Variants in SEMA3A observed in about 807,000 individuals in gnomAD.
SEMA3A encodes semaphorin 3A.
In SEMA3A, 29 loss-of-function variants were observed where a neutral mutation model predicts 97.9. That is an observed-to-expected ratio of 0.30 (90% CI 0.22 to 0.40). SEMA3A has a LOEUF of 0.40. Ranked by LOEUF, SEMA3A falls within the 10% of genes least tolerant of loss-of-function variation. The probability of loss-of-function intolerance (pLI) is 1.00; values close to 1 mark genes in which losing one functional copy is unlikely to be tolerated. For synonymous variants in SEMA3A, 321 were observed against 323.7 expected (o/e 0.99, Z 0.09); for missense variants, 763 against 951.3 (o/e 0.80, Z 2.60).
intron 3 of SEMA3A, among the ~76,000 whole-genome samples, chr7:84,248,095 C>T (rs1799517058): frequency 2.0e-5 from 3 of 152,132 alleles, no homozygotes; most frequent in Admixed American, 6.6e-5. Flanking sequence ...TTCATACTAT[C>T]TTCCTTTATT....
At chr7:84,198,406 T>G (rs187625054), upstream of SEMA3A, among the ~76,000 whole-genome samples, 1 of 152,162 alleles carries the variant, frequency 6.6e-6, no homozygotes, top group African/African-American at 2.4e-5. Flanking sequence ...TTGGTCAGGC[T>G]GGCCAGGTTG....
At chr7:84,323,198 A>G (rs527908411) in intron 2 of SEMA3A, among the ~76,000 whole-genome samples, 2 of 152,328 alleles carry the variant, frequency 1.3e-5, no homozygotes, top group African/African-American at 2.4e-5. Context: ...CTATCAATAG[A>G]TTGACTTTAA....
Position 84,391,973 on chromosome 7 carries a change from T to A in SEMA3A, c.-245-20073A>T, listed in dbSNP as rs1053498580. Among the ~76,000 whole-genome samples, 22 of 137,162 alleles carry A rather than the reference T, an allele frequency of 1.6e-4. No individual in the cohort carries two copies. In the East Asian group the frequency reaches 2.6e-3, roughly 16 times the overall value. 90.0% of individuals were successfully genotyped at this position (137,162 alleles called of 152,430 possible). A position where few individuals can be genotyped will look rare whatever the true frequency, so the allele number is the denominator to read the frequency against. On this transcript the variant is annotated intron_variant, in intron 1 of 3. Transcript: ENST00000424555. ...AGACCCTGTCTCAAAAAAAAAAAAA[T>A]CTATTGAAAAATTTTAGTTTTATAT...
chr7:84,254,955 C>T (rs1028138850), intron 3 of SEMA3A, among the ~76,000 whole-genome samples: 3 of 152,100 alleles, frequency 2.0e-5, no homozygotes, highest in Non-Finnish European at 4.4e-5. Flanking sequence ...TTGGCATGTA[C>T]TTCATTTAAG....
chr7:84,067,494 A>C lies in SEMA3A; in HGVS notation c.454-6936T>G, dbSNP rs200490412. On this transcript the variant is annotated intron_variant, in intron 4 of 16. Coordinates refer to ENST00000265362, the MANE Select transcript of SEMA3A (RefSeq NM_006080.3). ...ATCAGAGTGAACAGGCAACCTACAA[A>C]ATGGGAGAAAATTTTCGCAACCTAC... Among the ~76,000 whole-genome samples the C allele has an allele frequency of 4.9e-3, 747 of 151,230 alleles. 7 individuals are homozygous for C. Among genetic ancestry groups the C allele is most frequent in the African/African-American group, 0.017 (696 of 41,428 alleles).
chr7:83,983,323 G>A (rs17305389), intron 13 of SEMA3A, among the ~76,000 whole-genome samples: 57,785 of 150,892 alleles, frequency 0.38, 11,533 homozygotes, highest in Middle Eastern at 0.49. Context: ...AGCAATTTCA[G>A]TATATGGATG....
chr7:84,136,469 G>A (rs567683278), intron 1 of SEMA3A, among the ~76,000 whole-genome samples: 10 of 152,248 alleles, frequency 6.6e-5, no homozygotes, highest in African/African-American at 2.4e-4. Flanking sequence ...CTATCATGCG[G>A]GAAACCATGC....
intron 4 of SEMA3A, among the ~76,000 whole-genome samples, chr7:84,062,476 G>C (rs2527042): frequency 0.2 from 29,693 of 152,228 alleles, 2,922 homozygotes; most frequent in South Asian, 0.26. Flanking sequence ...CGACGCAGAA[G>C]ATGGTGATTT....
At position 84,154,368 on chromosome 7, in the gene SEMA3A, G is replaced by A. The variant is rs187499312; in HGVS notation, c.113-19417C>T. Among the ~76,000 whole-genome samples, 15 of 152,130 alleles carry A rather than the reference G, an allele frequency of 9.9e-5. No individual in the cohort carries two copies. The East Asian group carries it at 2.9e-3, about 29-fold the overall frequency. ...ATACAGATAAGTTTCTTTCTTTAAG[G>A]TAAATAGAACATAAAGACAGGTGAT... On this transcript the variant is annotated intron_variant, in intron 1 of 16. Transcript: ENST00000265362.
At chr7:83,967,175 T>A (rs1201893123) in intron 15 of SEMA3A, among the ~76,000 whole-genome samples, 1 of 152,124 alleles carries the variant, frequency 6.6e-6, no homozygotes, top group Non-Finnish European at 1.5e-5. Flanking sequence ...TTCTGTTAAT[T>A]TCCCCTAACC....
At chr7:84,088,533 A>C (rs1248679967) in intron 4 of SEMA3A, among the ~76,000 whole-genome samples, 1 of 152,156 alleles carries the variant, frequency 6.6e-6, no homozygotes, top group Non-Finnish European at 1.5e-5. Flanking sequence ...CTTAAGGGGA[A>C]GATTCCTGTC....
At chr7:84,132,527 G>T (rs1278176458) in intron 2 of SEMA3A, among the ~76,000 whole-genome samples, 1 of 151,756 alleles carries the variant, frequency 6.6e-6, no homozygotes, top group Non-Finnish European at 1.5e-5. Flanking sequence ...GGTATTCTAT[G>T]CTCATAAAGC....
intron 4 of SEMA3A, among the ~76,000 whole-genome samples, chr7:84,071,947 G>A (rs141684594): frequency 8.2e-4 from 124 of 152,056 alleles, no homozygotes; most frequent in Non-Finnish European, 1.5e-3. Context: ...TAATAATTTC[G>A]CCTTCAGGAG....
intron 3 of SEMA3A, among the ~76,000 whole-genome samples, chr7:84,111,727 C>T (rs1795280768): frequency 6.6e-6 from 1 of 152,072 alleles, no homozygotes; most frequent in Admixed American, 6.6e-5. Flanking sequence ...CTAAAATAAA[C>T]ATAATTTCTT....
At chr7:84,426,244 T>C (rs893415263) in intron 1 of SEMA3A, among the ~76,000 whole-genome samples, 1 of 151,256 alleles carries the variant, frequency 6.6e-6, no homozygotes. Flanking sequence ...GATACATAGA[T>C]AGATGATAGA....
chr7:84,472,850 C>T (rs1480462039), intron 1 of SEMA3A, among the ~76,000 whole-genome samples: 1 of 152,200 alleles, frequency 6.6e-6, no homozygotes, highest in Middle Eastern at 3.4e-3. Flanking sequence ...GAAACATTGA[C>T]ATTTAAGAAG....
At chr7:84,326,266 G>C (rs2115930377) in intron 2 of SEMA3A, among the ~76,000 whole-genome samples, 1 of 152,280 alleles carries the variant, frequency 6.6e-6, no homozygotes, top group African/African-American at 2.4e-5. Context: ...GGCATTCATA[G>C]TGATAATCAC....
intron 2 of SEMA3A, among the ~76,000 whole-genome samples, chr7:84,312,674 C>T (rs1019631454): frequency 2.7e-5 from 4 of 148,090 alleles, no homozygotes; most frequent in African/African-American, 1.0e-4. Flanking sequence ...TGCTTGTACA[C>T]ACACGCGTGT....
chr7:84,014,435 A>T, intron 6 of SEMA3A, 84 bp from the exon 7 acceptor site: 6 of 1,032,046 alleles, frequency 5.8e-6, no homozygotes, highest in South Asian at 1.6e-5. Flanking sequence ...ACTTTTTTTA[A>T]CTCTTAATTG....
Sources: allele counts gnomAD v4.1 joint callset (sites outside exome capture counted in the v4.1 genomes callset), GRCh38; gene constraint gnomAD v4.1.1; transcripts MANE v1.5; gene names NCBI Gene and HGNC (gene_info 2026-07-23, HGNC 2026-07-21).